DFFB: variants seen among roughly 807,000 people sequenced by gnomAD.
The protein encoded by DFFB is DNA fragmentation factor 40 kDa subunit.
A neutral mutation model predicts 32.7 loss-of-function variants in DFFB; 29 were observed. The observed-to-expected ratio is 0.89, with a 90% CI of 0.66 to 1.21. DFFB has a LOEUF of 1.21. Among genes scored for constraint, DFFB ranks in the 50% most tolerant of loss-of-function variants. DFFB has a pLI of 0.00. For synonymous variants in DFFB, 170 were observed against 177.1 expected (o/e 0.96, Z 0.32); for missense variants, 398 against 440.6 (o/e 0.90, Z 0.87).
At chr1:3,869,039 G>A (rs1009246739) in intron 4 of DFFB, among the ~76,000 whole-genome samples, 4 of 152,184 alleles carry the variant, frequency 2.6e-5, no homozygotes, top group Admixed American at 2.6e-4. Flanking sequence ...GGGTGGGATG[G>A]CCGTGCCTGC....
intron 6 of DFFB, among the ~76,000 whole-genome samples, chr1:3,881,869 CAAA>C (rs77630554): frequency 2.1e-5 from 3 of 139,646 alleles, no homozygotes; most frequent in Non-Finnish European, 3.1e-5. Context: ...GACTCTGTTT[CAAA>C]AAAAAAAAAA....
At chr1:3,873,396 C>T (rs1007917342) in intron 6 of DFFB, among the ~76,000 whole-genome samples, 2 of 152,094 alleles carry the variant, frequency 1.3e-5, no homozygotes, top group African/African-American at 2.4e-5. Flanking sequence ...ACCTGAAATC[C>T]GAAGTGCTCC....
rs1449592876 is a variant in DFFB at position 3,884,505 on chromosome 1, G to A, written c.*764G>A. 2 of 152,202 alleles carry A rather than the reference G, an allele frequency of 1.3e-5. No homozygotes were observed. The highest frequency in any genetic ancestry group is 2.4e-5 in the African/African-American group (1 of 41,442). The allele number at this position is 152,202 out of a possible 1,614,324, so 9.4% of individuals were successfully genotyped here. ...TGACTCTTCTAAATGCCCAAAAGAG[G>A]TGTCATGCTTTGGGGGTACGATGTT... On this transcript the variant is annotated 3_prime_UTR_variant, in exon 7 of 7. Transcript: ENST00000378209.
At chr1:3,858,640 G>T (rs1179506264) in intron 1 of DFFB, 78 bp from the exon 2 acceptor site, 1 of 1,537,480 alleles carries the variant, frequency 6.5e-7, no homozygotes, top group Non-Finnish European at 8.8e-7. Context: ...GCTCATTCCG[G>T]TCGTTTGTGA....
chr1:3,869,576 G>A, intron 4 of DFFB, 29 bp from the exon 5 acceptor site: 1 of 1,592,784 alleles, frequency 6.3e-7, no homozygotes, highest in African/African-American at 1.3e-5. Flanking sequence ...CTGTGCACCA[G>A]GCTCACCGAC....
intron 3 of DFFB, among the ~76,000 whole-genome samples, chr1:3,866,623 G>A (rs960061942): frequency 2.0e-5 from 3 of 152,000 alleles, no homozygotes; most frequent in South Asian, 2.1e-4. Flanking sequence ...ACAGGTCATC[G>A]GCATTAGGTA....
chr1:3,867,243 C>T (rs1045908610), intron 3 of DFFB, among the ~76,000 whole-genome samples: 1 of 152,234 alleles, frequency 6.6e-6, no homozygotes, highest in African/African-American at 2.4e-5. Flanking sequence ...CGTGTACATA[C>T]CACGCCATCT....
rs1278080980 is a variant in DFFB, at chr1:3,872,338, G to A, written c.682-134G>A. The A allele has an allele frequency of 4.1e-5, 26 of 628,684 alleles. 1 individual carries two copies. The highest frequency in any genetic ancestry group is 7.7e-5 in the South Asian group (4 of 52,114). 38.9% of individuals were successfully genotyped at this position (628,684 alleles called of 1,614,324 possible). On this transcript the variant is annotated intron_variant, in intron 5 of 6. Coordinates refer to ENST00000378209, the MANE Select transcript of DFFB (RefSeq NM_004402.4). ...TGAGGCAGGAGAATCGCTTCAACAC[G>A]GGAGGCGGAGGTTGTAGTAAGCCGA...
In DFFB at chr1:3,858,852, G is replaced by T. The variant is rs1644819275; in HGVS notation, c.241+8G>T. The T allele has an allele frequency of 1.2e-6, 2 of 1,612,974 alleles. No individual in the cohort carries two copies. The highest frequency in any genetic ancestry group is 1.7e-5 in the Admixed American group (1 of 60,002). On this transcript the variant is annotated splice_region_variant and intron_variant, in intron 2 of 6. Coordinates refer to ENST00000378209, the MANE Select transcript of DFFB (RefSeq NM_004402.4). ...GCCAGGCCTGGCAGGGCTGTGAGTGGCAAGGACTTTGGAGGTGGGCGGGAA... is the reference window on the plus strand; with the variant it reads ...GCCAGGCCTGGCAGGGCTGTGAGTGTCAAGGACTTTGGAGGTGGGCGGGAA...
At chr1:3,870,998 C>T (rs1230217606) in intron 5 of DFFB, among the ~76,000 whole-genome samples, 10 of 152,224 alleles carry the variant, frequency 6.6e-5, no homozygotes, top group Admixed American at 6.5e-4. Context: ...GGCCATGGCA[C>T]CTTCAGTGAG....
At chr1:3,873,451 G>T (rs1042567934) in intron 6 of DFFB, among the ~76,000 whole-genome samples, 1 of 151,600 alleles carries the variant, frequency 6.6e-6, no homozygotes, top group African/African-American at 2.4e-5. Flanking sequence ...CAGAGGAGAT[G>T]CTCATCCGGG....
In DFFB at chr1:3,884,365, A is replaced by G. The variant is rs1263665124; in HGVS notation, c.*624A>G. ...GGTTTGCTCATGTAATGTGGTCACC[A>G]TACTCAAATGGTGTCATGGCTGAAG... On this transcript the variant is annotated 3_prime_UTR_variant, in exon 7 of 7. Transcript: ENST00000378209. The G allele has an allele frequency of 6.5e-6, 1 of 153,060 alleles. No homozygotes were observed. The highest frequency in any genetic ancestry group is 1.5e-5 in the Non-Finnish European group (1 of 68,656). The allele number at this position is 153,060 out of a possible 1,614,324, so 9.5% of individuals were successfully genotyped here. A position where few individuals can be genotyped will look rare whatever the true frequency, so the allele number is the denominator to read the frequency against.
At chr1:3,872,227 AC>A (rs1182245265) in intron 5 of DFFB, among the ~76,000 whole-genome samples, 3 of 152,186 alleles carry the variant, frequency 2.0e-5, no homozygotes, top group Non-Finnish European at 4.4e-5. Flanking sequence ...ATCCTGGCCA[AC>A]AAGGTGAAAC....
At chr1:3,867,831 G>A (rs1449625718) in intron 3 of DFFB, 143 bp from the exon 4 acceptor site, 2 of 740,902 alleles carry the variant, frequency 2.7e-6, no homozygotes, top group African/African-American at 3.5e-5. Context: ...CCAGCCTGGA[G>A]GACAGAGCAA....
chr1:3,868,614 A>ACACCACACCAAG (rs1645033979), intron 4 of DFFB, among the ~76,000 whole-genome samples: 1 of 2,988 alleles, frequency 3.3e-4, no homozygotes, highest in Non-Finnish European at 1.1e-3. Context: ...ACCATACCAG[A>ACACCACACCAAG]CCACACCACA....
chr1:3,872,142 G>A (rs72848480), intron 5 of DFFB, among the ~76,000 whole-genome samples: 5,835 of 152,248 alleles, frequency 0.038, 190 homozygotes, highest in East Asian at 0.15. Context: ...GGCCGGGCGC[G>A]GTGGCTCAAC....
chr1:3,869,463 G>A (rs1645065908), intron 4 of DFFB, 142 bp from the exon 5 acceptor site: 1 of 826,542 alleles, frequency 1.2e-6, no homozygotes, highest in Non-Finnish European at 1.9e-6. Context: ...GTGGCCGAGA[G>A]GCCACGTGAA....
intron 2 of DFFB, among the ~76,000 whole-genome samples, chr1:3,863,537 G>A (rs1475287734): frequency 1.3e-5 from 2 of 152,234 alleles, no homozygotes; most frequent in African/African-American, 4.8e-5. Context: ...ATGAAAACAC[G>A]TCCACACCAA....
At chr1:3,861,027 C>T (rs144128055) in intron 2 of DFFB, among the ~76,000 whole-genome samples, 2,764 of 151,894 alleles carry the variant, frequency 0.018, 32 homozygotes, top group Middle Eastern at 0.041. Context: ...TGGTGGCGGG[C>T]GCTTGTAATC....
Sources: gnomAD v4.1 joint callset for allele counts (sites outside exome capture counted in the v4.1 genomes callset) on GRCh38, gnomAD v4.1.1 for gene constraint, MANE v1.5 for transcripts, NCBI Gene and HGNC (gene_info 2026-07-23, HGNC 2026-07-21) for gene names.